MYO10: variants seen among roughly 807,000 people sequenced by gnomAD.
The protein encoded by MYO10 is myosin X.
In MYO10, 133 loss-of-function variants were observed where a neutral mutation model predicts 257.3. That is an observed-to-expected ratio of 0.52 (90% confidence interval 0.45 to 0.60). The LOEUF is 0.60. Among genes scored for constraint, MYO10 ranks in the 20% least tolerant of loss-of-function variants. The pLI, the probability that MYO10 is intolerant of heterozygous loss-of-function variation, is 0.00. For synonymous variants in MYO10, 1,104 were observed against 1,028.6 expected (o/e 1.07, Z -1.40); for missense variants, 2,399 against 2,635.7 (o/e 0.91, Z 1.97).
chr5:16,707,008 G>A (rs1233167417), intron 21 of MYO10, among the ~76,000 whole-genome samples: 3 of 152,104 alleles, frequency 2.0e-5, no homozygotes, highest in Non-Finnish European at 2.9e-5. Context: ...GGACCTGGTA[G>A]GAGGTAATTG....
chr5:16,931,751 TTTA>T (rs1746300807), intron 1 of MYO10, among the ~76,000 whole-genome samples: 1 of 152,218 alleles, frequency 6.6e-6, no homozygotes, highest in Non-Finnish European at 1.5e-5. Context: ...CTGATATGAT[TTTA>T]TAGTCATCAA....
intron 1 of MYO10, among the ~76,000 whole-genome samples, chr5:16,906,027 T>C (rs1745509690): frequency 6.6e-6 from 1 of 152,200 alleles, no homozygotes; most frequent in African/African-American, 2.4e-5. Flanking sequence ...ACCTGTCAAA[T>C]GCAACAGAGA....
chr5:16,886,647 T>A (rs1744904577), intron 1 of MYO10, among the ~76,000 whole-genome samples: 1 of 152,118 alleles, frequency 6.6e-6, no homozygotes, highest in African/African-American at 2.4e-5. Flanking sequence ...GTAACACTAC[T>A]GCGGCTGGGC....
intron 1 of MYO10, among the ~76,000 whole-genome samples, chr5:16,927,617 C>G (rs1210513307): frequency 2.6e-5 from 4 of 152,196 alleles, no homozygotes; most frequent in African/African-American, 7.2e-5. Flanking sequence ...AGCCACCGCG[C>G]CCGGCCTTTA....
intron 2 of MYO10, among the ~76,000 whole-genome samples, chr5:16,852,050 CAAAAAAAAAAAAA>C (rs70943811): frequency 4.2e-4 from 18 of 42,574 alleles, no homozygotes; most frequent in South Asian, 1.7e-3. Flanking sequence ...GACTCCATCT[CAAAAAAAAAAAAA>C]AAAAAAAAAA....
chr5:16,832,903 C>G (rs1743201148), intron 2 of MYO10, among the ~76,000 whole-genome samples: 1 of 152,168 alleles, frequency 6.6e-6, no homozygotes, highest in Non-Finnish European at 1.5e-5. Context: ...AAACCAGAGT[C>G]AACCTAAAAT....
At chr5:16,759,649 C>G (rs1430578333) in intron 17 of MYO10, among the ~76,000 whole-genome samples, 2 of 152,182 alleles carry the variant, frequency 1.3e-5, no homozygotes, top group African/African-American at 4.8e-5. Flanking sequence ...GAAACTCCAC[C>G]TCGCTGGTCT....
intron 19 of MYO10, among the ~76,000 whole-genome samples, chr5:16,735,162 T>C (rs1739738606): frequency 6.6e-6 from 1 of 152,222 alleles, no homozygotes; most frequent in South Asian, 2.1e-4. Context: ...TGCTTTATCA[T>C]CTTGTTCGCC....
chr5:16,878,036 A>G (rs574775359), intron 1 of MYO10, among the ~76,000 whole-genome samples: 44 of 152,332 alleles, frequency 2.9e-4, no homozygotes, highest in Admixed American at 1.1e-3. Context: ...CCCATTTTAC[A>G]GATGGAGAAC....
intron 1 of MYO10, among the ~76,000 whole-genome samples, chr5:16,884,582 A>G (rs1744843329): frequency 6.6e-6 from 1 of 151,710 alleles, no homozygotes; most frequent in Non-Finnish European, 1.5e-5. Flanking sequence ...GAGTGGGGAT[A>G]TTGGTTCTTG....
At chr5:16,833,575 A>T (rs903084542) in intron 2 of MYO10, among the ~76,000 whole-genome samples, 2 of 152,176 alleles carry the variant, frequency 1.3e-5, no homozygotes, top group Non-Finnish European at 2.9e-5. Flanking sequence ...AGGTATTTTC[A>T]GAGATAAGAT....
chr5:16,787,624 A>C (rs912803974), intron 4 of MYO10, among the ~76,000 whole-genome samples: 3 of 148,998 alleles, frequency 2.0e-5, no homozygotes, highest in Non-Finnish European at 2.9e-5. Flanking sequence ...AAAAAAAAAA[A>C]AAAAAAAAAA....
At chr5:16,883,440 G>A (rs528910692) in intron 1 of MYO10, among the ~76,000 whole-genome samples, 1 of 152,286 alleles carries the variant, frequency 6.6e-6, no homozygotes, top group African/African-American at 2.4e-5. Context: ...GGGGCTAACA[G>A]ACCACGCAGG....
intron 2 of MYO10, among the ~76,000 whole-genome samples, chr5:16,864,695 C>T (rs991750017): frequency 4.6e-5 from 7 of 152,072 alleles, no homozygotes; most frequent in African/African-American, 1.7e-4. Context: ...GAGCTAAGTG[C>T]GCTAATAAAC....
At chr5:16,709,782 T>G (rs1232223061) in intron 21 of MYO10, among the ~76,000 whole-genome samples, 1 of 152,196 alleles carries the variant, frequency 6.6e-6, no homozygotes, top group Non-Finnish European at 1.5e-5. Context: ...TTTGCAGTAA[T>G]GTATTACAAA....
At position 16,701,128 on chromosome 5, in the gene MYO10, G is replaced by T; in HGVS notation, c.3267C>A (p.Tyr1089Ter). The change falls in exon 25 of 41, where the codon TAC becomes TAA. Residue 1089 changes from tyrosine to a stop codon, truncating the protein, a stop_gained. Transcript: ENST00000513610. LOFTEE classifies it high-confidence loss of function. This position sits in a 1 kb window ranked among gnomAD's most constrained non-coding sequence, Gnocchi z 8.1. ...AGDLPSPDGD[Y>*]DYDQDDYEDG... is the part of the protein sequence containing the mutation. ...CCTCATAGTCATCCTGGTCGTAGTCGTAGTCGCCGTCTGGGGAGGGCAAGT... is the reference window on the plus strand; with the variant it reads ...CCTCATAGTCATCCTGGTCGTAGTCTTAGTCGCCGTCTGGGGAGGGCAAGT... 6.3e-7 allele frequency: 1 copy of T among 1,596,724 alleles called. No homozygotes were observed. The highest frequency in any genetic ancestry group is 2.3e-5 in the East Asian group (1 of 44,058).
At chr5:16,912,545 C>T (rs1297612079) in intron 1 of MYO10, among the ~76,000 whole-genome samples, 3 of 152,002 alleles carry the variant, frequency 2.0e-5, no homozygotes, top group African/African-American at 7.3e-5. Flanking sequence ...TCAGGGTAAG[C>T]TTTGGAAGGG....
chr5:16,710,932 G>A lies in MYO10; in HGVS notation c.2145C>T (p.Ser715=), dbSNP rs774530951. 1.5e-5 allele frequency: 24 copies of A among 1,613,526 alleles called. No individual in the cohort carries two copies. Among genetic ancestry groups the A allele is most frequent in the Middle Eastern group, 3.3e-4 (2 of 6,084 alleles). The change falls in exon 21 of 41, where the codon AGC becomes AGT. Residue 715 remains serine, a synonymous_variant. Transcript: ENST00000513610. ...CCTTGGTCTTCCCCAGCTGCCACTC[G>A]CTGTTGGAGGCATCATAGAGCTGCA... ...SLLQLYDASN[S]EWQLGKTKVF...
intron 1 of MYO10, among the ~76,000 whole-genome samples, chr5:16,894,913 A>T (rs1230151457): frequency 6.6e-6 from 1 of 152,176 alleles, no homozygotes; most frequent in African/African-American, 2.4e-5. Flanking sequence ...ACTAAGACAC[A>T]CTGTAAATTG....
Sources: gnomAD v4.1 joint callset for allele counts (sites outside exome capture counted in the v4.1 genomes callset) on GRCh38, gnomAD v4.1.1 for gene constraint, Gnocchi (gnomAD v3.1) non-coding constraint, MANE v1.5 for transcripts, NCBI Gene and HGNC (gene_info 2026-07-23, HGNC 2026-07-21) for gene names.